CSMD2: variants seen among roughly 807,000 people sequenced by gnomAD.
CSMD2 encodes the protein CUB and Sushi multiple domains 2, also known as CUB and sushi domain-containing protein 2.
In CSMD2, 130 loss-of-function variants were observed where a neutral mutation model predicts 398.5. That is an observed-to-expected ratio of 0.33 (90% CI 0.28 to 0.38). CSMD2 has a LOEUF of 0.38. CSMD2 is among the 10% of genes least tolerant of loss of function. CSMD2 has a pLI of 1.00. For missense variants in CSMD2, 3,829 were observed against 4,764.9 expected (o/e 0.80, Z 5.78); for synonymous variants, 1,828 against 1,908.5 (o/e 0.96, Z 1.10).
At chr1:33,929,421 C>T (rs1644238104) in intron 4 of CSMD2, among the ~76,000 whole-genome samples, 2 of 147,252 alleles carry the variant, frequency 1.4e-5, no homozygotes, top group South Asian at 4.2e-4. Context: ...GAACTCAGAA[C>T]CAAGCCTATA....
intron 12 of CSMD2, among the ~76,000 whole-genome samples, chr1:33,774,583 T>C (rs1194759469): frequency 6.6e-6 from 1 of 152,126 alleles, no homozygotes; most frequent in Non-Finnish European, 1.5e-5. Flanking sequence ...TGGTGAAAGT[T>C]ACACAGCATT....
In CSMD2 at chr1:33,633,776, A is replaced by C. The variant is rs1212207600; in HGVS notation, c.5087-241T>G. 1.3e-5 allele frequency among the ~76,000 whole-genome samples: 2 copies of C among 152,162 alleles called. No individual in the cohort carries two copies. The highest frequency in any genetic ancestry group is 2.9e-5 in the Non-Finnish European group (2 of 68,014). ...CTTCACAAGGGTCAAGACAACATGG[A>C]GGGCTGCACCCAAAGGTCAGGCGGG... On this transcript the variant is annotated intron_variant, in intron 31 of 70. Transcript: ENST00000373381. The surrounding 1 kb of genome is among the most constrained non-coding windows in gnomAD (Gnocchi z 5.0).
At chr1:34,123,166 G>A (rs929207008) in intron 1 of CSMD2, among the ~76,000 whole-genome samples, 2 of 152,208 alleles carry the variant, frequency 1.3e-5, no homozygotes, top group Non-Finnish European at 2.9e-5. Context: ...GGATTAGAGG[G>A]TTGGGACTTA....
intron 3 of CSMD2, among the ~76,000 whole-genome samples, chr1:34,011,377 G>C (rs1363854545): frequency 6.6e-6 from 1 of 152,112 alleles, no homozygotes; most frequent in Non-Finnish European, 1.5e-5. Flanking sequence ...ACTGGCAAAG[G>C]AGTCCCATTT....
At chr1:34,095,997 T>C (rs1157155405) in intron 1 of CSMD2, among the ~76,000 whole-genome samples, 1 of 152,174 alleles carries the variant, frequency 6.6e-6, no homozygotes, top group Non-Finnish European at 1.5e-5. Flanking sequence ...TGAACATTGA[T>C]GCAAAAATCC....
intron 37 of CSMD2, among the ~76,000 whole-genome samples, chr1:33,621,598 T>G (rs1641776422): frequency 6.6e-6 from 1 of 152,032 alleles, no homozygotes; most frequent in Non-Finnish European, 1.5e-5. Context: ...AGAAAGGGGG[T>G]AGGGCAGGCA....
chr1:33,555,455 T>C (rs1224714391), intron 55 of CSMD2, among the ~76,000 whole-genome samples: 1 of 152,202 alleles, frequency 6.6e-6, no homozygotes, highest in Non-Finnish European at 1.5e-5. Flanking sequence ...GTTGATAAAG[T>C]GGCAGCAGGA....
intron 3 of CSMD2, among the ~76,000 whole-genome samples, chr1:34,029,514 A>T (rs1191175910): frequency 6.6e-6 from 1 of 152,186 alleles, no homozygotes; most frequent in Non-Finnish European, 1.5e-5. Flanking sequence ...ATCCTTGTCC[A>T]TCCACTGTGG....
intron 3 of CSMD2, among the ~76,000 whole-genome samples, chr1:33,996,531 G>A (rs1646731543): frequency 6.6e-6 from 1 of 152,204 alleles, no homozygotes; most frequent in Non-Finnish European, 1.5e-5. Flanking sequence ...ACTGAGCCAA[G>A]CCCTGAGGAA....
At chr1:34,081,798 T>C (rs1047151858) in intron 2 of CSMD2, among the ~76,000 whole-genome samples, 7 of 152,176 alleles carry the variant, frequency 4.6e-5, no homozygotes, top group African/African-American at 1.7e-4. Flanking sequence ...AGTGCTGACA[T>C]TGCCGCCTCT....
intron 4 of CSMD2, among the ~76,000 whole-genome samples, chr1:33,934,832 T>C (rs1381885153): frequency 1.3e-5 from 1 of 77,414 alleles, no homozygotes; most frequent in Non-Finnish European, 2.5e-5. Flanking sequence ...TCTGTCTCCA[T>C]GAAAAAAAAA....
At chr1:34,081,616 C>G (rs932226376) in intron 2 of CSMD2, among the ~76,000 whole-genome samples, 1 of 152,150 alleles carries the variant, frequency 6.6e-6, no homozygotes, top group Non-Finnish European at 1.5e-5. Flanking sequence ...GACGGGGTTT[C>G]GCCGTGTTGG....
At position 33,743,556 on chromosome 1, in the gene CSMD2, T is replaced by C; in HGVS notation, c.1897A>G (p.Asn633Asp). Residue 633 changes from asparagine to aspartate, a missense_variant, in exon 14 of 71, where the codon AAC (asparagine) becomes GAC (aspartate). By Grantham distance (23) the Asn-to-Asp change is conservative. This residue lies in a region of CSMD2 where 2,001 missense variants were observed against 2,567.1 expected (regional missense o/e 0.78). Transcript: ENST00000373381. The part of the protein sequence containing the change: ...TSPSGVVLSP[N>D]YPEDYGNHLH... The stretch of plus-strand genomic sequence containing the variant: ...TGGTTGCCATAGTCCTCTGGGTAGT[T>C]GGGAGACAGGACAACCCCAGACGGG... 3 of 1,612,864 alleles carry C rather than the reference T, an allele frequency of 1.9e-6. No individual in the cohort carries two copies. The South Asian group carries it at 3.3e-5, about 18-fold the overall frequency.
rs1431962994 is a variant in CSMD2, at chr1:33,698,792, C to G, written c.3886G>C (p.Glu1296Gln). ...GSEELLCLSGERRTWDRPLPT... is the reference protein window; with the variant it reads ...GSEELLCLSGQRRTWDRPLPT... Reference sequence around the variant, plus strand: ...AGAGGCCGGTCCCAGGTCCGGCGCTCTCCACTCAGACACAGCAGCTCCTCA... The same window carrying G: ...AGAGGCCGGTCCCAGGTCCGGCGCTGTCCACTCAGACACAGCAGCTCCTCA... The change falls in exon 24 of 71, where the codon GAG becomes CAG. Residue 1296 changes from glutamate (E) to glutamine (Q), a missense_variant. By Grantham distance (29) the Glu-to-Gln change is conservative. This residue lies in a region of CSMD2 where 2,001 missense variants were observed against 2,567.1 expected (regional missense o/e 0.78). Coordinates refer to ENST00000373381, the MANE Select transcript of CSMD2 (RefSeq NM_001281956.2). 4 of 1,614,036 alleles carry G rather than the reference C, an allele frequency of 2.5e-6. No homozygotes were observed. The highest frequency in any genetic ancestry group is 1.7e-4 in the Middle Eastern group (1 of 6,058).
At chr1:33,997,952 CCT>C (rs1646778919) in intron 3 of CSMD2, among the ~76,000 whole-genome samples, 1 of 152,106 alleles carries the variant, frequency 6.6e-6, no homozygotes, top group African/African-American at 2.4e-5. Flanking sequence ...CTCCTCTGCC[CCT>C]GAGGTGCAGA....
Position 33,616,944 on chromosome 1 carries a change from G to A in CSMD2, c.5978C>T (p.Thr1993Ile). Reference protein sequence around the residue: ...GHAHISCMPGTVRRWNYPPPL... With the variant: ...GHAHISCMPGIVRRWNYPPPL... ...AGGAGGGTAGTTCCATCGCCGCACT[G>A]TTCCGGGCATGCAGGAGATGTGGGC... The change falls in exon 39 of 71, where the codon ACA becomes ATA. Residue 1993 changes from threonine to isoleucine, a missense_variant. By Grantham distance (89) the Thr-to-Ile change is moderately conservative (BLOSUM62 -1). Coordinates refer to ENST00000373381, the MANE Select transcript of CSMD2 (RefSeq NM_001281956.2). 1 of 1,614,178 alleles carries A rather than the reference G, an allele frequency of 6.2e-7. No homozygotes were observed.
intron 49 of CSMD2, among the ~76,000 whole-genome samples, chr1:33,575,893 A>G (rs1166847092): frequency 2.0e-5 from 3 of 152,222 alleles, no homozygotes; most frequent in African/African-American, 7.2e-5. Flanking sequence ...GTCATTAAAA[A>G]GTACTTCACC....
At chr1:34,018,438 T>A (rs1441323500) in intron 3 of CSMD2, among the ~76,000 whole-genome samples, 2 of 152,254 alleles carry the variant, frequency 1.3e-5, no homozygotes, top group African/African-American at 4.8e-5. Flanking sequence ...TCAAATGACA[T>A]GAGCATTTTA....
intron 37 of CSMD2, 85 bp from the exon 38 acceptor site, chr1:33,617,702 G>T: frequency 1.0e-6 from 1 of 954,172 alleles, no homozygotes; most frequent in Non-Finnish European, 1.7e-6. Flanking sequence ...GATGCTGGTG[G>T]CAGGGAGAAG....
Sources: gnomAD v4.1 joint callset for allele counts (sites outside exome capture counted in the v4.1 genomes callset) on GRCh38, gnomAD v4.1.1 for gene constraint, gnomAD v4.1.1 regional missense constraint, Gnocchi (gnomAD v3.1) non-coding constraint, MANE v1.5 for transcripts, NCBI Gene and HGNC (gene_info 2026-07-23, HGNC 2026-07-21) for gene names.